Variants in SMOC1 observed in about 807,000 individuals in gnomAD.
SMOC1 encodes the protein SPARC related modular calcium binding 1, also known as SPARC-related modular calcium-binding protein 1.
In SMOC1, 22 loss-of-function variants were observed where a neutral mutation model predicts 56.3. The ratio of observed to expected loss-of-function variants is 0.39; its 90% CI spans 0.28 to 0.56. SMOC1 has a LOEUF of 0.56. Ranked by LOEUF, SMOC1 falls within the 20% of genes least tolerant of loss-of-function variation. SMOC1 has a pLI of 0.61. For synonymous variants in SMOC1, 193 were observed against 215.0 expected (o/e 0.90, Z 0.89); for missense variants, 509 against 565.4 (o/e 0.90, Z 1.01).
chr14:69,955,043 G>A (rs1006140294), intron 3 of SMOC1, among the ~76,000 whole-genome samples: 3 of 152,168 alleles, frequency 2.0e-5, no homozygotes, highest in Non-Finnish European at 4.4e-5. Flanking sequence ...GTTTGTTGCC[G>A]ACCCTGGGAG....
intron 1 of SMOC1, among the ~76,000 whole-genome samples, chr14:69,928,615 TG>T (rs57670974): frequency 0.65 from 96,341 of 148,310 alleles, 31,269 homozygotes; most frequent in Non-Finnish European, 0.67. Context: ...AGGTGCTCAT[TG>T]GGGGGGGGGT....
chr14:69,891,446 G>A (rs1032867907), intron 1 of SMOC1, among the ~76,000 whole-genome samples: 1 of 152,196 alleles, frequency 6.6e-6, no homozygotes, highest in Admixed American at 6.5e-5. Context: ...AATATTAAAA[G>A]TGATGCTTCT....
chr14:69,993,187 C>T (rs143452426), intron 6 of SMOC1, among the ~76,000 whole-genome samples: 27 of 152,002 alleles, frequency 1.8e-4, no homozygotes, highest in Admixed American at 5.9e-4. Context: ...GTTGTAGGGA[C>T]GTTGAGAGTT....
At chr14:69,944,957 G>T (rs1882727593) in intron 1 of SMOC1, among the ~76,000 whole-genome samples, 1 of 152,098 alleles carries the variant, frequency 6.6e-6, no homozygotes, top group Non-Finnish European at 1.5e-5. Context: ...AGAGATAGAT[G>T]TTCCTTTAAA....
At chr14:69,900,047 A>G (rs776951104) in intron 1 of SMOC1, among the ~76,000 whole-genome samples, 6 of 152,178 alleles carry the variant, frequency 3.9e-5, no homozygotes, top group Non-Finnish European at 8.8e-5. Context: ...CGCCATACCC[A>G]TTTCTATTCA....
rs529982512 is a variant in SMOC1 at position 69,980,269 on chromosome 14, G to A, written c.526+2304G>A. Among the ~76,000 whole-genome samples the A allele has an allele frequency of 1.1e-4, 16 of 152,302 alleles. No individual in the cohort carries two copies. In the South Asian group the frequency reaches 2.9e-3, roughly 28 times the overall value. ...GAAACTGAAGCCTTCATCTCAGAGGGATAAGCTGCTCTCAGTTCCCAGCTC... is the reference window on the plus strand; with the variant it reads ...GAAACTGAAGCCTTCATCTCAGAGGAATAAGCTGCTCTCAGTTCCCAGCTC... On this transcript the variant is annotated intron_variant, in intron 5 of 11. Coordinates refer to ENST00000361956, the MANE Select transcript of SMOC1 (RefSeq NM_001034852.3).
At chr14:69,900,356 T>C (rs990281964) in intron 1 of SMOC1, among the ~76,000 whole-genome samples, 1 of 152,180 alleles carries the variant, frequency 6.6e-6, no homozygotes, top group African/African-American at 2.4e-5. Flanking sequence ...AATCAACACG[T>C]TCTACAAAAA....
intron 1 of SMOC1, among the ~76,000 whole-genome samples, chr14:69,936,360 G>T (rs1050298403): frequency 6.6e-6 from 1 of 152,264 alleles, no homozygotes; most frequent in Non-Finnish European, 1.5e-5. Flanking sequence ...ACTACGTGGT[G>T]AGGATGCAGT....
intron 1 of SMOC1, among the ~76,000 whole-genome samples, chr14:69,902,031 T>C (rs1393380597): frequency 6.6e-6 from 1 of 152,240 alleles, no homozygotes; most frequent in Admixed American, 6.5e-5. Flanking sequence ...CTAGGGTGAA[T>C]GCATGACCCA....
At position 70,032,269 on chromosome 14, in the gene SMOC1, C is replaced by G. The variant is rs972360643; in HGVS notation, c.*2011C>G. 1.3e-5 allele frequency: 2 copies of G among 152,210 alleles called. No individual in the cohort carries two copies. The highest frequency in any genetic ancestry group is 2.9e-5 in the Non-Finnish European group (2 of 68,038). 9.4% of individuals were successfully genotyped at this position (152,210 alleles called of 1,614,324 possible). A position where few individuals can be genotyped will look rare whatever the true frequency, so the allele number is the denominator to read the frequency against. ...CCAGGCATCTTGTCTCCCACAGGATCGTGTGTGTAGGTGGTGTTGTGTGGT... is the reference window on the plus strand; with the variant it reads ...CCAGGCATCTTGTCTCCCACAGGATGGTGTGTGTAGGTGGTGTTGTGTGGT... On this transcript the variant is annotated 3_prime_UTR_variant, in exon 12 of 12. Transcript: ENST00000361956.
intron 3 of SMOC1, among the ~76,000 whole-genome samples, chr14:69,972,567 C>T (rs148771143): frequency 1.5e-3 from 235 of 152,306 alleles, no homozygotes; most frequent in South Asian, 5.4e-3. Flanking sequence ...GGGCTCTCTA[C>T]TTTGGAGCCT....
At chr14:70,028,857 G>A (rs549495234) in intron 11 of SMOC1, among the ~76,000 whole-genome samples, 8 of 152,258 alleles carry the variant, frequency 5.3e-5, no homozygotes, top group East Asian at 1.9e-4. Context: ...CCCCATGTCC[G>A]CTCTCCTTTC....
intron 1 of SMOC1, among the ~76,000 whole-genome samples, chr14:69,923,376 A>G (rs1462240879): frequency 6.6e-6 from 1 of 152,136 alleles, no homozygotes; most frequent in East Asian, 1.9e-4. Flanking sequence ...GTTCCCTTTC[A>G]TTGATTCTGA....
intron 7 of SMOC1, among the ~76,000 whole-genome samples, chr14:70,009,954 T>C (rs77867924): frequency 0.03 from 4,583 of 151,924 alleles, 124 homozygotes; most frequent in Middle Eastern, 0.11. Flanking sequence ...AATTTTCAGG[T>C]AAGTGGCTGT....
At chr14:70,008,906 A>C (rs969293494) in intron 7 of SMOC1, among the ~76,000 whole-genome samples, 1 of 152,192 alleles carries the variant, frequency 6.6e-6, no homozygotes. Context: ...TTGCCATGGC[A>C]CCTTCCCAGC....
chr14:69,949,640 G>C (rs1192225145), intron 1 of SMOC1, among the ~76,000 whole-genome samples: 1 of 152,220 alleles, frequency 6.6e-6, no homozygotes, highest in African/African-American at 2.4e-5. Flanking sequence ...ATCCGAAGCA[G>C]GGTGGGAGGG....
At chr14:69,892,713 A>G (rs575126300) in intron 1 of SMOC1, among the ~76,000 whole-genome samples, 1 of 152,302 alleles carries the variant, frequency 6.6e-6, no homozygotes, top group South Asian at 2.1e-4. Flanking sequence ...TGCTCAGATT[A>G]TTCTGAAGCA....
intron 1 of SMOC1, among the ~76,000 whole-genome samples, chr14:69,902,336 A>T (rs543110444): frequency 6.6e-6 from 1 of 152,260 alleles, no homozygotes; most frequent in Non-Finnish European, 1.5e-5. Context: ...AAGCTTCCTT[A>T]AATCTCTTGT....
rs556347106 is a variant in SMOC1, at chr14:69,880,533, C to G, written c.99+756C>G. 9.9e-5 allele frequency among the ~76,000 whole-genome samples: 15 copies of G among 152,224 alleles called. No homozygotes were observed. In the South Asian group the frequency reaches 3.1e-3, roughly 32 times the overall value. On this transcript the variant is annotated intron_variant, in intron 1 of 11. Transcript: ENST00000361956. ...AGGGCATTGTAAAATCTCCTGGAAC[C>G]GACAGTATTGTGTTCATTTCTGGTC...
Sources: allele counts gnomAD v4.1 joint callset (sites outside exome capture counted in the v4.1 genomes callset), GRCh38; gene constraint gnomAD v4.1.1; transcripts MANE v1.5; gene names NCBI Gene and HGNC (gene_info 2026-07-23, HGNC 2026-07-21).